Variants in MAP3K20 observed in about 807,000 individuals in gnomAD.
MAP3K20 encodes mitogen-activated protein kinase kinase kinase 20, also known as HCCS-4.
MAP3K20 carries 40 observed loss-of-function variants against 85.7 expected under a neutral mutation model. The ratio of observed to expected loss-of-function variants is 0.47; its 90% CI spans 0.36 to 0.61. MAP3K20 has a LOEUF of 0.61. Ranked by LOEUF, MAP3K20 falls within the 20% of genes least tolerant of loss-of-function variation. The pLI, the probability that MAP3K20 is intolerant of heterozygous loss-of-function variation, is 0.00. For synonymous variants in MAP3K20, 325 were observed against 327.7 expected, an observed-to-expected ratio of 0.99 and a Z score of 0.09; for missense variants, 817 against 961.7, an observed-to-expected ratio of 0.85 and a Z score of 1.99.
intron 2 of MAP3K20, among the ~76,000 whole-genome samples, chr2:173,152,726 T>G (rs910794386): frequency 6.6e-6 from 1 of 152,148 alleles, no homozygotes; most frequent in African/African-American, 2.4e-5. Context: ...CTGAAATAGA[T>G]ACAGCAAGCA....
intron 11 of MAP3K20, chr2:173,223,715 G>A: frequency 1.0e-6 from 1 of 985,348 alleles, no homozygotes; most frequent in Non-Finnish European, 1.2e-6. Flanking sequence ...CCTAAAAGAT[G>A]GATTCCCCCA....
intron 2 of MAP3K20, among the ~76,000 whole-genome samples, chr2:173,127,711 C>T (rs577601336): frequency 6.7e-6 from 1 of 148,496 alleles, no homozygotes; most frequent in Non-Finnish European, 1.5e-5. Context: ...GGGAATACAT[C>T]AGTAAAATTT....
At chr2:173,095,027 A>T (rs888084319) in intron 2 of MAP3K20, among the ~76,000 whole-genome samples, 17 of 152,228 alleles carry the variant, frequency 1.1e-4, no homozygotes, top group Non-Finnish European at 1.5e-5. Flanking sequence ...GTTCTAGCAT[A>T]AGTGAGTTTG....
In MAP3K20 at chr2:173,217,101, C is replaced by A. The variant is rs749857099; in HGVS notation, c.852-14C>A. The stretch of plus-strand genomic sequence containing the variant: ...TAAGTAAAGTTGAGACTTACACCAG[C>A]TATCCCCGTGCAGGTGCGAAATTGA... On this transcript the variant is annotated splice_polypyrimidine_tract_variant and intron_variant, in intron 10 of 19. Coordinates refer to ENST00000375213, the MANE Select transcript of MAP3K20 (RefSeq NM_016653.3). The A allele has an allele frequency of 3.9e-6, 6 of 1,519,198 alleles. No individual in the cohort carries two copies. The Middle Eastern group carries it at 5.3e-4, about 133-fold the overall frequency. The allele number at this position is 1,519,198 out of a possible 1,614,324, so 94.1% of individuals were successfully genotyped here. A position where few individuals can be genotyped will look rare whatever the true frequency, so the allele number is the denominator to read the frequency against.
chr2:173,227,748 A>C (rs1684426332), intron 11 of MAP3K20, among the ~76,000 whole-genome samples: 1 of 152,260 alleles, frequency 6.6e-6, no homozygotes, highest in South Asian at 2.1e-4. Flanking sequence ...TAGGAATTTT[A>C]TAAAAATAAC....
chr2:173,092,282 C>T (rs1244159851), intron 2 of MAP3K20, among the ~76,000 whole-genome samples: 1 of 152,138 alleles, frequency 6.6e-6, no homozygotes, highest in Non-Finnish European at 1.5e-5. Flanking sequence ...CTTTTAAAGC[C>T]CATCCGTACA....
chr2:173,134,951 G>T lies in MAP3K20; in HGVS notation c.160-34854G>T, dbSNP rs544386763. On this transcript the variant is annotated intron_variant, in intron 2 of 19. Transcript: ENST00000375213. ...GCCACGTGACTAGCTTAGTCCTCAG[G>T]CAAGTTCTTTAACATATTTGTGCCT... 5.3e-5 allele frequency among the ~76,000 whole-genome samples: 8 copies of T among 152,228 alleles called. No individual in the cohort carries two copies. The South Asian group carries it at 1.5e-3, about 28-fold the overall frequency.
chr2:173,075,788 G>C, upstream of MAP3K20: 1 of 985,520 alleles, frequency 1.0e-6, no homozygotes, highest in Non-Finnish European at 1.2e-6. Context: ...TGTGAGGGGA[G>C]GGCGGCCCAG....
chr2:173,119,807 G>A (rs1281096352), intron 2 of MAP3K20, among the ~76,000 whole-genome samples: 1 of 152,176 alleles, frequency 6.6e-6, no homozygotes, highest in Non-Finnish European at 1.5e-5. Flanking sequence ...CAAATGAGAT[G>A]CAGTCCCAAC....
At chr2:173,094,269 A>T (rs1163164151) in intron 2 of MAP3K20, among the ~76,000 whole-genome samples, 1 of 152,100 alleles carries the variant, frequency 6.6e-6, no homozygotes, top group Admixed American at 6.5e-5. Context: ...TATGTTATTG[A>T]TTTATATGTA....
chr2:173,163,068 C>T (rs536685599), intron 2 of MAP3K20, among the ~76,000 whole-genome samples: 2 of 152,222 alleles, frequency 1.3e-5, no homozygotes, highest in African/African-American at 4.8e-5. Context: ...TTTATTTTTA[C>T]AATATTTATC....
chr2:173,090,841 T>C (rs1431164140), intron 1 of MAP3K20, 157 bp from the exon 2 acceptor site: 1 of 1,298,110 alleles, frequency 7.7e-7, no homozygotes, highest in African/African-American at 1.5e-5. Flanking sequence ...GTGAGTGTTT[T>C]CGAATTGTTT....
intron 4 of MAP3K20, 125 bp downstream of exon 4, chr2:173,183,080 T>G (rs1030472545): frequency 2.8e-6 from 2 of 708,562 alleles, no homozygotes; most frequent in Non-Finnish European, 2.3e-6. Context: ...CCAAAAGTAG[T>G]AAGAATTCCA....
chr2:173,235,136 C>A (rs1684618756), intron 14 of MAP3K20, among the ~76,000 whole-genome samples: 1 of 152,134 alleles, frequency 6.6e-6, no homozygotes, highest in Admixed American at 6.5e-5. Flanking sequence ...TAAAGAAAGG[C>A]AGATTTATTA....
At chr2:173,188,603 A>T (rs976168889) in intron 5 of MAP3K20, among the ~76,000 whole-genome samples, 4 of 148,692 alleles carry the variant, frequency 2.7e-5, no homozygotes, top group African/African-American at 5.0e-5. Flanking sequence ...TGTGTGTGTG[A>T]GTGTGTGTGT....
chr2:173,131,173 G>A (rs919636585), intron 2 of MAP3K20, among the ~76,000 whole-genome samples: 4 of 152,300 alleles, frequency 2.6e-5, no homozygotes, highest in Non-Finnish European at 5.9e-5. Flanking sequence ...TTGTTTTTCT[G>A]CTGTGGCTTT....
chr2:173,190,270 CTATAG>C (rs1193749795), intron 5 of MAP3K20, among the ~76,000 whole-genome samples: 1 of 152,050 alleles, frequency 6.6e-6, no homozygotes, highest in East Asian at 1.9e-4. Context: ...TTCTTTGGCT[CTATAG>C]TATTGTTTCT....
intron 11 of MAP3K20, chr2:173,227,219 G>A (rs1223584464): frequency 8.5e-6 from 7 of 821,456 alleles, no homozygotes; most frequent in Non-Finnish European, 1.0e-5. Flanking sequence ...TGAAGGAATC[G>A]TTGTCACACG....
chr2:173,223,165 A>G (rs1210702717), intron 11 of MAP3K20: 1 of 985,268 alleles, frequency 1.0e-6, no homozygotes, highest in Non-Finnish European at 1.2e-6. Context: ...TCATTTGGGG[A>G]GAAATAACTA....
Sources: allele counts gnomAD v4.1 joint callset (sites outside exome capture counted in the v4.1 genomes callset), GRCh38; gene constraint gnomAD v4.1.1; transcripts MANE v1.5; gene names NCBI Gene and HGNC (gene_info 2026-07-23, HGNC 2026-07-21).